CREG2: variants seen among roughly 807,000 people sequenced by gnomAD.
CREG2 encodes cellular repressor of E1A stimulated genes 2, also known as protein CREG2.
Under a neutral mutation model 26.2 loss-of-function variants are expected in CREG2, and 24 were observed. That is an observed-to-expected ratio of 0.92 (90% CI 0.66 to 1.29). The LOEUF (loss-of-function observed/expected upper bound fraction) is 1.29. CREG2 is among the 50% of genes most tolerant of loss of function. The pLI is 0.00. For missense variants in CREG2, 366 were observed against 398.6 expected (o/e 0.92, Z 0.70); for synonymous variants, 174 against 169.2 (o/e 1.03, Z -0.22).
chr2:101,353,220 C>T (rs1684409016), intron 3 of CREG2, among the ~76,000 whole-genome samples: 1 of 152,218 alleles, frequency 6.6e-6, no homozygotes, highest in Admixed American at 6.5e-5. Flanking sequence ...CGTTTGCTCT[C>T]TGATGATAGC....
At chr2:101,367,443 T>C (rs1684634679) in intron 2 of CREG2, among the ~76,000 whole-genome samples, 1 of 152,226 alleles carries the variant, frequency 6.6e-6, no homozygotes, top group Admixed American at 6.5e-5. Flanking sequence ...ATTTAAAACA[T>C]TTGTATTATA....
At chr2:101,379,010 A>AAAAAAAG (rs1209942580) in intron 2 of CREG2, among the ~76,000 whole-genome samples, 2 of 151,990 alleles carry the variant, frequency 1.3e-5, no homozygotes, top group African/African-American at 4.8e-5. Context: ...CATCTCAAAA[A>AAAAAAAG]AAAAAAGAAA....
At chr2:101,365,448 C>A (rs1684606706) in intron 2 of CREG2, among the ~76,000 whole-genome samples, 1 of 152,140 alleles carries the variant, frequency 6.6e-6, no homozygotes, top group Non-Finnish European at 1.5e-5. Flanking sequence ...ACAATAGTTC[C>A]CTGATTCATC....
chr2:101,383,027 G>C, intron 2 of CREG2: 3 of 984,682 alleles, frequency 3.0e-6, no homozygotes, highest in Non-Finnish European at 3.6e-6. Flanking sequence ...TTTTCTTTCA[G>C]AGAGCTTTTG....
At chr2:101,356,896 T>G (rs35076156) in intron 2 of CREG2, among the ~76,000 whole-genome samples, 65,963 of 151,510 alleles carry the variant, frequency 0.44, 14,941 homozygotes, top group East Asian at 0.61. Flanking sequence ...AACTTTTTCT[T>G]CTTTTTTTTT....
At chr2:101,378,368 G>A (rs141518005) in intron 2 of CREG2, among the ~76,000 whole-genome samples, 15 of 152,264 alleles carry the variant, frequency 9.9e-5, no homozygotes, top group South Asian at 6.2e-4. Context: ...CTAAAGCAGC[G>A]TTAGCATCAC....
chr2:101,355,765 G>A (rs963963551), intron 2 of CREG2, among the ~76,000 whole-genome samples: 1 of 152,158 alleles, frequency 6.6e-6, no homozygotes, highest in Non-Finnish European at 1.5e-5. Context: ...GAGTACACAG[G>A]TGAGCAGGTT....
intron 2 of CREG2, among the ~76,000 whole-genome samples, chr2:101,361,505 C>T (rs1028979632): frequency 2.6e-5 from 4 of 152,296 alleles, no homozygotes; most frequent in Non-Finnish European, 4.4e-5. Flanking sequence ...AGAAGGGGCA[C>T]GAGCCTTGGG....
In CREG2 at chr2:101,361,195, A is replaced by T. The variant is rs1270217149; in HGVS notation, c.612-5829T>A. On this transcript the variant is annotated intron_variant, in intron 2 of 3. Coordinates refer to ENST00000324768, the MANE Select transcript of CREG2 (RefSeq NM_153836.4). ...AGGAGATTATATATTTTAAAAGGCA[A>T]ATAGAAAACTTTGCATTTACACAGT... is the stretch of plus-strand genomic sequence containing the variant. Among the ~76,000 whole-genome samples the T allele has an allele frequency of 2.0e-5, 3 of 152,358 alleles. No individual in the cohort carries two copies. The East Asian group carries it at 5.8e-4, about 29-fold the overall frequency.
chr2:101,383,150 G>A (rs1424873315), intron 2 of CREG2: 3 of 391,696 alleles, frequency 7.7e-6, no homozygotes, highest in Non-Finnish European at 1.2e-5. Flanking sequence ...CCGTGCTGGG[G>A]AGATCAACTA....
intron 2 of CREG2, among the ~76,000 whole-genome samples, chr2:101,361,937 C>T (rs1242743668): frequency 6.6e-6 from 1 of 152,178 alleles, no homozygotes; most frequent in Non-Finnish European, 1.5e-5. Flanking sequence ...TGTTGCCCCT[C>T]CTCTGGGTAA....
At position 101,366,695 on chromosome 2, in the gene CREG2, A is replaced by T. The variant is rs182465739; in HGVS notation, c.612-11329T>A. ...AAATTAGCCAGGTGTGGTGGCATGC[A>T]CCTGAAATCCCAGCAACTTGGGAGG... is the stretch of plus-strand genomic sequence containing the variant. On this transcript the variant is annotated intron_variant, in intron 2 of 3. Transcript: ENST00000324768. Among the ~76,000 whole-genome samples the T allele has an allele frequency of 7.1e-4, 108 of 152,062 alleles. 1 individual carries two copies. The highest frequency in any genetic ancestry group is 2.6e-3 in the African/African-American group (106 of 41,472).
intron 2 of CREG2, among the ~76,000 whole-genome samples, chr2:101,359,768 T>A (rs1346093103): frequency 6.6e-6 from 1 of 152,248 alleles, no homozygotes; most frequent in East Asian, 1.9e-4. Flanking sequence ...GCCTAGAGGT[T>A]GAGTTATGCA....
At chr2:101,374,217 A>C (rs1365876746) in intron 2 of CREG2, among the ~76,000 whole-genome samples, 1 of 152,214 alleles carries the variant, frequency 6.6e-6, no homozygotes. Flanking sequence ...ATCTCAACTA[A>C]AAATACAAAA....
chr2:101,363,854 A>ACACC (rs1349299472), intron 2 of CREG2, among the ~76,000 whole-genome samples: 7 of 85,122 alleles, frequency 8.2e-5, no homozygotes, highest in Admixed American at 2.2e-4. Flanking sequence ...TGTCTCAAAC[A>ACACC]CACACACACA....
At chr2:101,361,217 CA>C (rs1188916560) in intron 2 of CREG2, among the ~76,000 whole-genome samples, 1 of 152,194 alleles carries the variant, frequency 6.6e-6, no homozygotes, top group Admixed American at 6.5e-5. Flanking sequence ...TGCATTTACA[CA>C]GTGGAAAACC....
At chr2:101,385,099 C>T (rs1490830299) in intron 1 of CREG2, among the ~76,000 whole-genome samples, 1 of 152,150 alleles carries the variant, frequency 6.6e-6, no homozygotes, top group Admixed American at 6.5e-5. Flanking sequence ...TTTACGGTAA[C>T]ACAGATGGAC....
chr2:101,364,393 C>T (rs1684589644), intron 2 of CREG2, among the ~76,000 whole-genome samples: 1 of 152,158 alleles, frequency 6.6e-6, no homozygotes, highest in Admixed American at 6.5e-5. Flanking sequence ...TTGTAACAAC[C>T]AAAAAGGTCT....
chr2:101,370,657 A>T (rs1400840076), intron 2 of CREG2, among the ~76,000 whole-genome samples: 1 of 152,014 alleles, frequency 6.6e-6, no homozygotes, highest in Non-Finnish European at 1.5e-5. Context: ...ATTTTCAGAG[A>T]CTGCTGGAGC....
Sources: gnomAD v4.1 joint callset for allele counts (sites outside exome capture counted in the v4.1 genomes callset) on GRCh38, gnomAD v4.1.1 for gene constraint, MANE v1.5 for transcripts, NCBI Gene and HGNC (gene_info 2026-07-23, HGNC 2026-07-21) for gene names.